Variants in SBF2 observed in about 807,000 individuals in gnomAD.
The protein encoded by SBF2 is SET binding factor 2.
SBF2 carries 112 observed loss-of-function variants against 225.2 expected under a neutral mutation model. The ratio of observed to expected loss-of-function variants is 0.50; its 90% CI spans 0.43 to 0.58. The LOEUF (loss-of-function observed/expected upper bound fraction) is 0.58. Ranked by LOEUF, SBF2 falls within the 20% of genes least tolerant of loss-of-function variation. The pLI is 0.00. For synonymous variants in SBF2, 763 were observed against 773.3 expected, an observed-to-expected ratio of 0.99 and a Z score of 0.22; for missense variants, 1,996 against 2,206.2, an observed-to-expected ratio of 0.90 and a Z score of 1.91.
At chr11:10,250,213 C>T (rs960879443) in intron 1 of SBF2, among the ~76,000 whole-genome samples, 2 of 152,128 alleles carry the variant, frequency 1.3e-5, no homozygotes, top group Non-Finnish European at 2.9e-5. Flanking sequence ...GTTAAACTAG[C>T]TGATACTAAA....
At chr11:9,985,216 CAT>C (rs1339043546) in intron 13 of SBF2, among the ~76,000 whole-genome samples, 2 of 152,190 alleles carry the variant, frequency 1.3e-5, no homozygotes, top group African/African-American at 4.8e-5. Context: ...ACTCACCTAA[CAT>C]ACATAACGAC....
At chr11:10,012,630 C>A (rs1948500036) in intron 6 of SBF2, among the ~76,000 whole-genome samples, 1 of 152,176 alleles carries the variant, frequency 6.6e-6, no homozygotes, top group Non-Finnish European at 1.5e-5. Flanking sequence ...TCTGCTAAAT[C>A]CAGTATGTGC....
intron 16 of SBF2, among the ~76,000 whole-genome samples, chr11:9,911,017 C>T (rs1339449538): frequency 6.7e-6 from 1 of 150,034 alleles, no homozygotes; most frequent in Non-Finnish European, 1.5e-5. Flanking sequence ...TGAGATCGCC[C>T]CACTGCACTC....
chr11:10,294,145 C>T lies in SBF2; in HGVS notation c.-76G>A. On this transcript the variant is annotated 5_prime_UTR_variant, in exon 1 of 40. Coordinates refer to ENST00000256190, the MANE Select transcript of SBF2 (RefSeq NM_030962.4). ...CCGCCGCCCACCCGGCCCGGGAGGG[C>T]TCAGCATTTTCCCTGCAGCGGCAGT... 2.6e-6 allele frequency: 3 copies of T among 1,149,760 alleles called. No homozygotes were observed. Among genetic ancestry groups the T allele is most frequent in the South Asian group, 5.6e-5 (2 of 35,754 alleles). The allele number at this position is 1,149,760 out of a possible 1,614,324, so 71.2% of individuals were successfully genotyped here.
At chr11:9,822,258 C>CTTT (rs1210806960) in intron 28 of SBF2, among the ~76,000 whole-genome samples, 55 of 129,416 alleles carry the variant, frequency 4.2e-4, no homozygotes, top group African/African-American at 5.6e-4. Flanking sequence ...TAACTAAACT[C>CTTT]TTTTTTTTTT....
intron 3 of SBF2, among the ~76,000 whole-genome samples, chr11:10,038,418 T>C (rs186675020): frequency 6.6e-6 from 1 of 152,178 alleles, no homozygotes; most frequent in African/African-American, 2.4e-5. Context: ...CAATCTTTTT[T>C]CCTTTGCACA....
At chr11:9,809,587 C>T (rs1854057862) in intron 30 of SBF2, among the ~76,000 whole-genome samples, 2 of 150,866 alleles carry the variant, frequency 1.3e-5, no homozygotes, top group African/African-American at 4.9e-5. Context: ...CTCTGTCACC[C>T]AGGCTGGAGT....
intron 6 of SBF2, among the ~76,000 whole-genome samples, chr11:10,009,355 C>A (rs183819879): frequency 2.6e-5 from 4 of 152,078 alleles, no homozygotes; most frequent in African/African-American, 9.7e-5. Flanking sequence ...GTTTGCTGCA[C>A]CCATCAACCT....
chr11:9,796,957 C>T (rs186925123), intron 32 of SBF2, among the ~76,000 whole-genome samples: 3 of 152,284 alleles, frequency 2.0e-5, no homozygotes, highest in East Asian at 3.9e-4. Flanking sequence ...AGGCTGATGA[C>T]CCTGTGACAC....
chr11:10,123,227 G>A (rs770601330), intron 2 of SBF2, among the ~76,000 whole-genome samples: 4 of 152,114 alleles, frequency 2.6e-5, no homozygotes, highest in Admixed American at 1.3e-4. Flanking sequence ...AAGTCAGGGA[G>A]GAAGAGTTCG....
chr11:9,869,721 T>C lies in SBF2; in HGVS notation c.1930-11325A>G, dbSNP rs563595783. Among the ~76,000 whole-genome samples, 10 of 152,310 alleles carry C rather than the reference T, an allele frequency of 6.6e-5. No homozygotes were observed. In the South Asian group the frequency reaches 2.1e-3, roughly 32 times the overall value. The stretch of plus-strand genomic sequence containing the variant: ...ATACCTCATAATAATGAGAGCCATA[T>C]ATAACAAACCCACAGCCAATATTAT... On this transcript the variant is annotated intron_variant, in intron 17 of 39. Transcript: ENST00000256190.
At chr11:10,051,035 T>C (rs1221474266) in intron 2 of SBF2, among the ~76,000 whole-genome samples, 3 of 152,166 alleles carry the variant, frequency 2.0e-5, no homozygotes, top group African/African-American at 4.8e-5. Context: ...TGTGCCCATT[T>C]TTCTCAAATG....
At chr11:9,955,715 C>CT (rs1287158148) in intron 16 of SBF2, among the ~76,000 whole-genome samples, 1 of 151,958 alleles carries the variant, frequency 6.6e-6, no homozygotes, top group Non-Finnish European at 1.5e-5. Flanking sequence ...ATAAAATATA[C>CT]ATAAGCTATA....
At chr11:10,045,917 TG>T (rs1460643651) in intron 2 of SBF2, among the ~76,000 whole-genome samples, 1 of 152,184 alleles carries the variant, frequency 6.6e-6, no homozygotes, top group Admixed American at 6.5e-5. Flanking sequence ...TCTGTATCTG[TG>T]GGTTCTACAT....
chr11:10,076,242 G>C (rs1034698017), intron 2 of SBF2, among the ~76,000 whole-genome samples: 1 of 152,174 alleles, frequency 6.6e-6, no homozygotes, highest in African/African-American at 2.4e-5. Context: ...TTGGAGAACA[G>C]GGAGACTGTA....
At chr11:10,170,869 C>G (rs1422919533) in intron 2 of SBF2, among the ~76,000 whole-genome samples, 1 of 151,550 alleles carries the variant, frequency 6.6e-6, no homozygotes, top group Non-Finnish European at 1.5e-5. Context: ...TCTTTCACTT[C>G]TTTGGTTAAT....
chr11:9,978,302 A>C (rs1946791023), intron 13 of SBF2, among the ~76,000 whole-genome samples: 1 of 152,222 alleles, frequency 6.6e-6, no homozygotes, highest in Admixed American at 6.5e-5. Context: ...TTAGCACTAG[A>C]AGGAATCTCA....
At chr11:10,094,666 C>T (rs1951941919) in intron 2 of SBF2, among the ~76,000 whole-genome samples, 1 of 151,544 alleles carries the variant, frequency 6.6e-6, no homozygotes, top group Non-Finnish European at 1.5e-5. Context: ...CGACGCCTGG[C>T]TAATTTTGTA....
intron 16 of SBF2, among the ~76,000 whole-genome samples, chr11:9,912,171 T>C (rs1203194689): frequency 6.7e-6 from 1 of 149,674 alleles, no homozygotes; most frequent in African/African-American, 2.5e-5. Flanking sequence ...AAAAATTAGC[T>C]GGGCATAGTG....
Sources: allele counts gnomAD v4.1 joint callset (sites outside exome capture counted in the v4.1 genomes callset), GRCh38; gene constraint gnomAD v4.1.1; transcripts MANE v1.5; gene names NCBI Gene and HGNC (gene_info 2026-07-23, HGNC 2026-07-21).